DPY19L2: variants seen among roughly 807,000 people sequenced by gnomAD.
DPY19L2 encodes probable C-mannosyltransferase DPY19L2.
In DPY19L2, 34 loss-of-function variants were observed where a neutral mutation model predicts 97.9. That is an observed-to-expected ratio of 0.35 (90% CI 0.26 to 0.46). The LOEUF is 0.46. Ranked by LOEUF, DPY19L2 falls within the 20% of genes least tolerant of loss-of-function variation. The pLI is 1.00. For synonymous variants in DPY19L2, 230 were observed against 307.9 expected (o/e 0.75, Z 2.65); for missense variants, 623 against 911.4 (o/e 0.68, Z 4.07).
chr12:63,622,951 G>T (rs570336982), intron 8 of DPY19L2, among the ~76,000 whole-genome samples: 1 of 152,176 alleles, frequency 6.6e-6, no homozygotes, highest in African/African-American at 2.4e-5. Context: ...ATTTGTGTAT[G>T]TGTAGACGAT....
rs1265278706 is a variant in DPY19L2, at chr12:63,664,943, G to A, written c.362+892C>T. On this transcript the variant is annotated intron_variant, in intron 2 of 21. Coordinates refer to ENST00000324472, the MANE Select transcript of DPY19L2 (RefSeq NM_173812.5). ...AGCAGCACTGTGTCAATAGAACACA[G>A]GGGCAGATCTCATACATCCCAAGGG... Among the ~76,000 whole-genome samples, 2 of 152,118 alleles carry A rather than the reference G, an allele frequency of 1.3e-5. 1 individual carries two copies. Among genetic ancestry groups the A allele is most frequent in the Non-Finnish European group, 2.9e-5 (2 of 68,026 alleles).
intron 11 of DPY19L2, among the ~76,000 whole-genome samples, chr12:63,609,433 T>C (rs1481730708): frequency 6.6e-6 from 1 of 152,044 alleles, no homozygotes; most frequent in Non-Finnish European, 1.5e-5. Context: ...TAGGAAGTAA[T>C]TGAGTCATGA....
At chr12:63,596,116 G>A in intron 14 of DPY19L2, 79 bp from the exon 15 acceptor site, 1 of 1,286,172 alleles carries the variant, frequency 7.8e-7, no homozygotes, top group South Asian at 1.6e-5. Context: ...CAAACTAAGT[G>A]CCATGATAAC....
chr12:63,612,679 G>A (rs1887214510), intron 11 of DPY19L2, among the ~76,000 whole-genome samples: 1 of 148,994 alleles, frequency 6.7e-6, no homozygotes, highest in Non-Finnish European at 1.5e-5. Flanking sequence ...AATAAAGAAT[G>A]AGTAGAAATC....
intron 11 of DPY19L2, among the ~76,000 whole-genome samples, chr12:63,610,152 T>C (rs1965380): frequency 0.078 from 11,579 of 148,632 alleles, 687 homozygotes; most frequent in African/African-American, 0.16. Flanking sequence ...ATAAAAAATA[T>C]ACATGTAATA....
chr12:63,563,538 GTT>G (rs1262464426), intron 21 of DPY19L2, among the ~76,000 whole-genome samples: 1 of 152,110 alleles, frequency 6.6e-6, no homozygotes, highest in Non-Finnish European at 1.5e-5. Context: ...TTCTTTTTCA[GTT>G]TGTTACTATG....
chr12:63,582,001 A>G (rs1881020736), intron 18 of DPY19L2, among the ~76,000 whole-genome samples: 1 of 149,230 alleles, frequency 6.7e-6, no homozygotes, highest in Non-Finnish European at 1.5e-5. Context: ...GAGTTTCACC[A>G]TGTTGGCCGG....
At chr12:63,594,912 T>G (rs1883949355) in intron 15 of DPY19L2, among the ~76,000 whole-genome samples, 1 of 152,120 alleles carries the variant, frequency 6.6e-6, no homozygotes, top group Non-Finnish European at 1.5e-5. Context: ...AACAGGCCAG[T>G]AGAGAAAATC....
At chr12:63,601,296 G>T (rs1885148183) in intron 12 of DPY19L2, among the ~76,000 whole-genome samples, 1 of 151,812 alleles carries the variant, frequency 6.6e-6, no homozygotes. Context: ...TTTCCTTTAA[G>T]AAAGAGGAAT....
At chr12:63,562,026 T>G (rs945839474) in intron 21 of DPY19L2, among the ~76,000 whole-genome samples, 1 of 152,186 alleles carries the variant, frequency 6.6e-6, no homozygotes, top group Non-Finnish European at 1.5e-5. Context: ...TGTGCCAAAT[T>G]TTGTGTTGTT....
Position 63,631,357 on chromosome 12 carries a change from C to T in DPY19L2, c.804-4831G>A, listed in dbSNP as rs36184614. Among the ~76,000 whole-genome samples, 692 of 152,044 alleles carry T rather than the reference C, an allele frequency of 4.6e-3. 6 individuals carry two copies. The highest frequency in any genetic ancestry group is 0.015 in the African/African-American group (638 of 41,470). On this transcript the variant is annotated intron_variant, in intron 6 of 21. Transcript: ENST00000324472. Reference sequence around the variant, plus strand: ...AGAAAAGAGAGAAGAATCAAATAGACGCAATAAAAAATGATAAAGGGGATA... The same window carrying T: ...AGAAAAGAGAGAAGAATCAAATAGATGCAATAAAAAATGATAAAGGGGATA...
At chr12:63,594,628 C>A (rs1374974997) in intron 15 of DPY19L2, among the ~76,000 whole-genome samples, 1 of 143,832 alleles carries the variant, frequency 7.0e-6, no homozygotes, top group African/African-American at 2.8e-5. Flanking sequence ...ACTTGACTGG[C>A]TGCAGGGACG....
chr12:63,588,464 A>T (rs944571932), intron 16 of DPY19L2, among the ~76,000 whole-genome samples: 1 of 152,184 alleles, frequency 6.6e-6, no homozygotes, highest in Non-Finnish European at 1.5e-5. Flanking sequence ...AGAATGTTAT[A>T]CTTATAGTCC....
intron 12 of DPY19L2, among the ~76,000 whole-genome samples, chr12:63,607,175 T>C (rs1454633199): frequency 1.3e-5 from 2 of 152,166 alleles, no homozygotes; most frequent in Non-Finnish European, 2.9e-5. Context: ...GAAAATGTTG[T>C]TGAAAATGAA....
chr12:63,580,673 C>T lies in DPY19L2; in HGVS notation c.1889G>A (p.Ser630Asn), dbSNP rs142771770. The change falls in exon 19 of 22, where the codon AGT (serine) becomes AAT (asparagine). Residue 630 changes from serine (S) to asparagine (N), a missense_variant. Coordinates refer to ENST00000324472, the MANE Select transcript of DPY19L2 (RefSeq NM_173812.5). ...QEELLQWIKY[S>N]TTSDAVFAGA... ...AAATACCTACACACCTGATGTGGTACTGTATTTGATCCACTGTAAAAGTTC... is the reference window on the plus strand; with the variant it reads ...AAATACCTACACACCTGATGTGGTATTGTATTTGATCCACTGTAAAAGTTC... 2.5e-4 allele frequency: 407 copies of T among 1,611,364 alleles called. 3 individuals are homozygous for T. The African/African-American group carries it at 4.7e-3, about 18-fold the overall frequency.
chr12:63,657,792 C>T (rs1367338010), intron 4 of DPY19L2, among the ~76,000 whole-genome samples: 1 of 152,172 alleles, frequency 6.6e-6, no homozygotes, highest in Non-Finnish European at 1.5e-5. Context: ...CTGACAGAGC[C>T]TGCTCACCTT....
intron 21 of DPY19L2, among the ~76,000 whole-genome samples, chr12:63,567,307 A>G (rs2939899): frequency 6.6e-6 from 1 of 151,990 alleles, no homozygotes; most frequent in Non-Finnish European, 1.5e-5. Flanking sequence ...GCTTATCCAT[A>G]TCTAGGCTTG....
intron 6 of DPY19L2, among the ~76,000 whole-genome samples, chr12:63,643,532 C>T (rs1267444774): frequency 6.6e-6 from 1 of 152,122 alleles, no homozygotes; most frequent in Admixed American, 6.5e-5. Context: ...TAGGAATGCG[C>T]TCCACTGAAA....
At chr12:63,651,684 GT>G in intron 4 of DPY19L2, 4 of 451,714 alleles carry the variant, frequency 8.9e-6, no homozygotes, top group South Asian at 1.9e-5. Flanking sequence ...CCTGATAGCT[GT>G]TTTCCAGAAG....
Sources: allele counts gnomAD v4.1 joint callset (sites outside exome capture counted in the v4.1 genomes callset), GRCh38; gene constraint gnomAD v4.1.1; transcripts MANE v1.5; gene names NCBI Gene and HGNC (gene_info 2026-07-23, HGNC 2026-07-21).